The following ATP8A1 variants were observed in gnomAD, a reference collection of about 807,000 sequenced individuals.
ATP8A1 encodes the protein phospholipid-transporting ATPase IA.
A neutral mutation model predicts 177.7 loss-of-function variants in ATP8A1; 90 were observed. The ratio of observed to expected loss-of-function variants is 0.51; its 90% CI spans 0.43 to 0.60. The LOEUF is 0.60. ATP8A1 is among the 20% of genes least tolerant of loss of function. The probability of loss-of-function intolerance (pLI) is 0.00; values close to 1 mark genes in which losing one functional copy is unlikely to be tolerated. For missense variants in ATP8A1, 1,072 were observed against 1,392.8 expected (o/e 0.77, Z 3.67); for synonymous variants, 493 against 485.9 (o/e 1.01, Z -0.19).
chr4:42,444,426 TC>T, intron 32 of ATP8A1, 151 bp downstream of exon 32: 1 of 682,278 alleles, frequency 1.5e-6, no homozygotes, highest in South Asian at 2.2e-5. Context: ...CAGTTCTCCT[TC>T]CCCTACCCCT....
Position 42,411,539 on chromosome 4 carries a change from T to C in ATP8A1, c.*1377A>G, listed in dbSNP as rs1419091325. 6.6e-6 allele frequency: 1 copy of C among 152,218 alleles called. No individual in the cohort carries two copies. Among genetic ancestry groups the C allele is most frequent in the African/African-American group, 2.4e-5 (1 of 41,458 alleles). The allele number at this position is 152,218 out of a possible 1,614,324, so 9.4% of individuals were successfully genotyped here. A position where few individuals can be genotyped will look rare whatever the true frequency, so the allele number is the denominator to read the frequency against. On this transcript the variant is annotated 3_prime_UTR_variant, in exon 37 of 37. Transcript: ENST00000381668. Reference sequence around the variant, plus strand: ...TGAAAGTATTATTTAAAAAATAGTGTAGAAAACTGGTTGTGGTTTTTAAAC... The same window carrying C: ...TGAAAGTATTATTTAAAAAATAGTGCAGAAAACTGGTTGTGGTTTTTAAAC...
At position 42,507,804 on chromosome 4, in the gene ATP8A1, A is replaced by AC. The variant is rs1177379115; in HGVS notation, c.1948-651_1948-650insG. Among the ~76,000 whole-genome samples the AC allele has an allele frequency of 8.8e-5, 13 of 147,972 alleles. No homozygotes were observed. In the South Asian group the frequency reaches 1.9e-3, roughly 22 times the overall value. On this transcript the variant is annotated intron_variant, in intron 22 of 36. Transcript: ENST00000381668. ...CTAAAAAAAAAAAAAAAAAAAAAAA[A>AC]AAAAACATACAAACAGCTATGGGAG...
chr4:42,579,505 AACCACCT>A (rs1732803201), intron 11 of ATP8A1, among the ~76,000 whole-genome samples: 1 of 150,436 alleles, frequency 6.6e-6, no homozygotes, highest in Non-Finnish European at 1.5e-5. Context: ...CCATATAGTT[AACCACCT>A]ATGTTAAAAA....
intron 33 of ATP8A1, among the ~76,000 whole-genome samples, chr4:42,439,762 T>G (rs1716412537): frequency 6.6e-6 from 1 of 152,166 alleles, no homozygotes; most frequent in African/African-American, 2.4e-5. Flanking sequence ...TTTCCTTTCC[T>G]TTACAAATCC....
At chr4:42,437,837 A>C (rs1160231329) in intron 33 of ATP8A1, among the ~76,000 whole-genome samples, 1 of 152,140 alleles carries the variant, frequency 6.6e-6, no homozygotes, top group Non-Finnish European at 1.5e-5. Flanking sequence ...TCTGCACTAA[A>C]CTCTGAGATA....
chr4:42,479,346 T>C (rs1721419079), intron 25 of ATP8A1, among the ~76,000 whole-genome samples: 1 of 152,198 alleles, frequency 6.6e-6, no homozygotes, highest in Non-Finnish European at 1.5e-5. Context: ...AAGCCCTTCT[T>C]TAACTTGTCC....
At chr4:42,648,426 G>A (rs1198710595) in intron 1 of ATP8A1, among the ~76,000 whole-genome samples, 1 of 151,924 alleles carries the variant, frequency 6.6e-6, no homozygotes, top group Non-Finnish European at 1.5e-5. Flanking sequence ...ATATACATAC[G>A]GAAGCACCTC....
chr4:42,623,683 T>A (rs535297790), intron 4 of ATP8A1, among the ~76,000 whole-genome samples: 23 of 152,090 alleles, frequency 1.5e-4, no homozygotes, highest in Non-Finnish European at 3.1e-4. Flanking sequence ...CACCACATAC[T>A]GAGGCGCATT....
chr4:42,625,711 G>A lies in ATP8A1; in HGVS notation c.167C>T (p.Thr56Ile), dbSNP rs1372352884. 1.9e-6 allele frequency: 3 copies of A among 1,583,788 alleles called. No homozygotes were observed. The highest frequency in any genetic ancestry group is 2.6e-6 in the Non-Finnish European group (3 of 1,163,230). ...LTKFCNNHVS[T>I]AKYNIITFLP... is the part of the protein sequence containing the mutation. Reference sequence around the variant, plus strand: ...GAATGTGATTATGTTGTATTTTGCAGTGCTAGAAAACAAAAATGAAAAGTA... The same window carrying A: ...GAATGTGATTATGTTGTATTTTGCAATGCTAGAAAACAAAAATGAAAAGTA... Residue 56 changes from threonine to isoleucine, a missense_variant and splice_region_variant, in exon 3 of 37, where the codon ACT becomes ATT. Around this residue, in one of 5 missense-constraint regions of ATP8A1, gnomAD observed 344 missense variants for 393.5 expected, o/e 0.87. Coordinates refer to ENST00000381668, the MANE Select transcript of ATP8A1 (RefSeq NM_006095.2).
chr4:42,476,696 A>AT (rs1173852068), intron 25 of ATP8A1, among the ~76,000 whole-genome samples: 1 of 152,278 alleles, frequency 6.6e-6, no homozygotes, highest in East Asian at 1.9e-4. Context: ...AAAGGAAAAA[A>AT]TTAGTGGAGT....
intron 5 of ATP8A1, among the ~76,000 whole-genome samples, chr4:42,601,776 T>C (rs549134392): frequency 6.6e-6 from 1 of 152,304 alleles, no homozygotes; most frequent in African/African-American, 2.4e-5. Context: ...GCATAATTTA[T>C]AGGTACAAAA....
intron 15 of ATP8A1, chr4:42,562,103 C>T (rs545007151): frequency 6.6e-6 from 1 of 152,302 alleles, no homozygotes; most frequent in Admixed American, 6.5e-5. Flanking sequence ...GGTGATGAAA[C>T]ACGCTGATGA....
intron 1 of ATP8A1, among the ~76,000 whole-genome samples, chr4:42,630,212 G>A (rs1738584546): frequency 6.6e-6 from 1 of 152,170 alleles, no homozygotes; most frequent in Admixed American, 6.5e-5. Flanking sequence ...ATCAAAATAG[G>A]AGAATCCTTT....
In ATP8A1 at chr4:42,499,914, A is replaced by G. The variant is rs530676414; in HGVS notation, c.2151+3536T>C. Among the ~76,000 whole-genome samples the G allele has an allele frequency of 2.6e-5, 4 of 152,306 alleles. No individual in the cohort carries two copies. In the South Asian group the frequency reaches 8.3e-4, roughly 32 times the overall value. On this transcript the variant is annotated intron_variant, in intron 24 of 36. Transcript: ENST00000381668. ...ACTTTAAAAAATTAAAACAAACTAA[A>G]CGATATAAAAGAGATGCAAAAGTAT...
intron 35 of ATP8A1, among the ~76,000 whole-genome samples, chr4:42,419,631 T>C (rs192967584): frequency 5.9e-5 from 9 of 152,332 alleles, no homozygotes; most frequent in African/African-American, 2.2e-4. Context: ...CATGGTGTTT[T>C]GGAACCAAAG....
chr4:42,636,787 C>A (rs1040317349), intron 1 of ATP8A1, among the ~76,000 whole-genome samples: 1 of 152,140 alleles, frequency 6.6e-6, no homozygotes, highest in Non-Finnish European at 1.5e-5. Context: ...TCCATCAAGG[C>A]TCCATGCTCC....
intron 16 of ATP8A1, among the ~76,000 whole-genome samples, chr4:42,553,481 G>C (rs1311869792): frequency 2.0e-5 from 3 of 152,180 alleles, no homozygotes; most frequent in Non-Finnish European, 4.4e-5. Flanking sequence ...AGACAGAAGG[G>C]TGTATCCTTT....
At chr4:42,431,384 C>G (rs1715285101) in intron 33 of ATP8A1, among the ~76,000 whole-genome samples, 1 of 152,076 alleles carries the variant, frequency 6.6e-6, no homozygotes, top group Admixed American at 6.6e-5. Context: ...GAAGAACTTA[C>G]AATTTAATGA....
At chr4:42,635,810 T>TATATATATATATATAC (rs1305090729) in intron 1 of ATP8A1, among the ~76,000 whole-genome samples, 58 of 103,808 alleles carry the variant, frequency 5.6e-4, no homozygotes, top group African/African-American at 1.9e-3. Flanking sequence ...TATATATATA[T>TATATATATATATATAC]ACACATGTAT....
Sources: allele counts gnomAD v4.1 joint callset (sites outside exome capture counted in the v4.1 genomes callset), GRCh38; gene constraint gnomAD v4.1.1; regional missense constraint gnomAD v4.1.1; transcripts MANE v1.5; gene names NCBI Gene and HGNC (gene_info 2026-07-23, HGNC 2026-07-21).